The following MYO16 variants were observed in gnomAD, a reference collection of about 807,000 sequenced individuals.
The protein encoded by MYO16 is myosin XVI, also known as unconventional myosin-XVI.
In MYO16, 94 loss-of-function variants were observed where a neutral mutation model predicts 205.3. The observed-to-expected ratio is 0.46, with a 90% CI of 0.39 to 0.54. The LOEUF is 0.54. Ranked by LOEUF, MYO16 falls within the 20% of genes least tolerant of loss-of-function variation. The pLI is 0.00. For missense variants in MYO16, 2,315 were observed against 2,387.5 expected (o/e 0.97, Z 0.63); for synonymous variants, 988 against 954.0 (o/e 1.04, Z -0.66).
intron 4 of MYO16, among the ~76,000 whole-genome samples, chr13:108,728,172 A>C (rs1033683257): frequency 1.3e-5 from 2 of 152,364 alleles, no homozygotes; most frequent in South Asian, 4.1e-4. Context: ...ACACACTGGA[A>C]TATATGAGCA....
chr13:108,970,728 C>T (rs1883975434), intron 20 of MYO16, among the ~76,000 whole-genome samples: 1 of 152,216 alleles, frequency 6.6e-6, no homozygotes. Context: ...TCCCTGCAAT[C>T]CTCAAGACGT....
chr13:108,683,175 G>A (rs1392398372), intron 2 of MYO16, among the ~76,000 whole-genome samples: 1 of 152,134 alleles, frequency 6.6e-6, no homozygotes, highest in Non-Finnish European at 1.5e-5. Context: ...CATTTTATCT[G>A]TGGATCTATA....
Position 109,140,622 on chromosome 13 carries a change from C to T in MYO16, c.4410C>T (p.Gly1470=), listed in dbSNP as rs375111602. The change falls in exon 32 of 35, where the codon GGC becomes GGT. Residue 1470 remains glycine, a synonymous_variant. Coordinates refer to ENST00000457511, the MANE Select transcript of MYO16 (RefSeq NM_001198950.3). The surrounding 1 kb of genome is among the most constrained non-coding windows in gnomAD (Gnocchi z 8.0). ...CLPDDGGPGA[G]SFLLHGASPP... Reference sequence around the variant, plus strand: ...CCGACGACGGCGGCCCGGGCGCGGGCTCCTTCCTGCTCCACGGCGCATCGC... The same window carrying T: ...CCGACGACGGCGGCCCGGGCGCGGGTTCCTTCCTGCTCCACGGCGCATCGC... 4.7e-3 allele frequency: 7,093 copies of T among 1,516,104 alleles called. 101 individuals are homozygous for T. The highest frequency in any genetic ancestry group is 0.044 in the Admixed American group (2,105 of 48,044). The allele number at this position is 1,516,104 out of a possible 1,614,324, so 93.9% of individuals were successfully genotyped here. A position where few individuals can be genotyped will look rare whatever the true frequency, so the allele number is the denominator to read the frequency against.
At chr13:109,036,234 CTG>C (rs781143269) in intron 23 of MYO16, among the ~76,000 whole-genome samples, 1 of 152,314 alleles carries the variant, frequency 6.6e-6, no homozygotes, top group Non-Finnish European at 1.5e-5. Context: ...AGAGCTATTT[CTG>C]TGGCGTTCTC....
intron 12 of MYO16, among the ~76,000 whole-genome samples, chr13:108,876,742 C>G (rs757416204): frequency 6.4e-4 from 96 of 150,556 alleles, no homozygotes; most frequent in Non-Finnish European, 1.3e-3. Flanking sequence ...TCTTGGCTCA[C>G]TGCAACCTCT....
At chr13:108,829,054 G>A (rs149486953) in intron 9 of MYO16, among the ~76,000 whole-genome samples, 47 of 152,270 alleles carry the variant, frequency 3.1e-4, no homozygotes, top group African/African-American at 9.4e-4. Context: ...TTTGTAGCTC[G>A]TTGCTCAAAA....
intron 16 of MYO16, among the ~76,000 whole-genome samples, chr13:108,937,357 T>G (rs1302200659): frequency 1.3e-5 from 2 of 152,168 alleles, no homozygotes; most frequent in Non-Finnish European, 2.9e-5. Flanking sequence ...GTTGTTCATT[T>G]TATATAATAT....
At chr13:108,528,341 A>T in the MYO16 span, among the ~76,000 whole-genome samples, 1 of 152,158 alleles carries the variant, frequency 6.6e-6, no homozygotes, top group Non-Finnish European at 1.5e-5. Context: ...AGGGCTATTT[A>T]TCTGGCTGTG....
chr13:108,908,562 T>C (rs1881099402), intron 15 of MYO16, among the ~76,000 whole-genome samples: 1 of 152,208 alleles, frequency 6.6e-6, no homozygotes, highest in African/African-American at 2.4e-5. Context: ...GAGATAATTA[T>C]AACCATTTAT....
chr13:108,884,938 T>C (rs1217235612), intron 13 of MYO16, among the ~76,000 whole-genome samples: 1 of 152,032 alleles, frequency 6.6e-6, no homozygotes, highest in Non-Finnish European at 1.5e-5. Flanking sequence ...TCACCCATTC[T>C]AGACACGAGG....
Position 108,889,916 on chromosome 13 carries a change from A to G in MYO16, c.1659+1439A>G, listed in dbSNP as rs150429143. Among the ~76,000 whole-genome samples the G allele has an allele frequency of 2.4e-3, 370 of 151,878 alleles. 2 individuals carry two copies. Among genetic ancestry groups the G allele is most frequent in the African/African-American group, 8.6e-3 (355 of 41,426 alleles). On this transcript the variant is annotated intron_variant, in intron 14 of 34. Transcript: ENST00000457511. The stretch of plus-strand genomic sequence containing the variant: ...ATTGAAGTCTTTCTTTTTTATTTTC[A>G]CTTATTTATTTACTATTATTGTTAT...
At chr13:108,821,154 A>G (rs1464546690) in intron 8 of MYO16, among the ~76,000 whole-genome samples, 4 of 152,092 alleles carry the variant, frequency 2.6e-5, no homozygotes, top group Non-Finnish European at 5.9e-5. Context: ...ATAACTTTAT[A>G]AATACATTAT....
intron 22 of MYO16, among the ~76,000 whole-genome samples, chr13:109,016,901 G>T (rs933117843): frequency 6.6e-6 from 1 of 152,074 alleles, no homozygotes. Flanking sequence ...ACACTGATGG[G>T]TCTTGACTCT....
intron 27 of MYO16, among the ~76,000 whole-genome samples, chr13:109,088,166 T>A (rs577046517): frequency 1.3e-3 from 193 of 152,304 alleles, no homozygotes; most frequent in African/African-American, 4.3e-3. Context: ...CAGTTTTAAA[T>A]TCAATGTCCC....
intron 4 of MYO16, among the ~76,000 whole-genome samples, chr13:108,742,333 T>C (rs1884936222): frequency 1.3e-5 from 2 of 151,902 alleles, no homozygotes; most frequent in South Asian, 2.1e-4. Flanking sequence ...ATCAGAGAGG[T>C]TGGCAGTGGT....
the MYO16 span, among the ~76,000 whole-genome samples, chr13:108,546,066 C>T: frequency 1.6e-3 from 241 of 152,268 alleles, 3 homozygotes; most frequent in Middle Eastern, 3.4e-3. Context: ...CTGGCCTGTG[C>T]GGCACTGTTC....
the MYO16 span, among the ~76,000 whole-genome samples, chr13:108,581,320 G>T: frequency 6.6e-6 from 1 of 152,132 alleles, no homozygotes; most frequent in Non-Finnish European, 1.5e-5. Flanking sequence ...GGTGGAAATC[G>T]TTTTTGACTG....
intron 7 of MYO16, among the ~76,000 whole-genome samples, chr13:108,807,237 TG>T (rs1486175694): frequency 6.6e-6 from 1 of 152,180 alleles, no homozygotes; most frequent in Non-Finnish European, 1.5e-5. Context: ...AACATTACTT[TG>T]GGGTAACAAT....
At chr13:109,045,766 C>G (rs577629734) in intron 23 of MYO16, among the ~76,000 whole-genome samples, 10 of 152,300 alleles carry the variant, frequency 6.6e-5, no homozygotes, top group African/African-American at 2.2e-4. Context: ...TTTTCCAGGT[C>G]CTTCCACAGT....
Sources: gnomAD v4.1 joint callset for allele counts (sites outside exome capture counted in the v4.1 genomes callset) on GRCh38, gnomAD v4.1.1 for gene constraint, Gnocchi (gnomAD v3.1) non-coding constraint, MANE v1.5 for transcripts, NCBI Gene and HGNC (gene_info 2026-07-23, HGNC 2026-07-21) for gene names.